NFAM1: variants seen among roughly 807,000 people sequenced by gnomAD.
NFAM1 encodes the protein NFAT activating protein with ITAM motif 1, also known as NFAT activation molecule 1.
NFAM1 carries 17 observed loss-of-function variants against 29.0 expected under a neutral mutation model. The observed-to-expected ratio is 0.59, with a 90% CI of 0.40 to 0.88. The LOEUF is 0.88. Ranked by LOEUF, NFAM1 falls within the 40% of genes least tolerant of loss-of-function variation. The pLI is 0.00. For missense variants in NFAM1, 324 were observed against 344.6 expected, an observed-to-expected ratio of 0.94 and a Z score of 0.47; for synonymous variants, 175 against 147.2, an observed-to-expected ratio of 1.19 and a Z score of -1.36.
At chr22:42,424,636 G>C (rs576583025) in intron 1 of NFAM1, among the ~76,000 whole-genome samples, 17 of 152,138 alleles carry the variant, frequency 1.1e-4, no homozygotes, top group Non-Finnish European at 1.9e-4. Flanking sequence ...TGGGGGAGGG[G>C]TGTGGAGAGA....
upstream of NFAM1, among the ~76,000 whole-genome samples, chr22:42,434,729 G>C (rs1441591796): frequency 6.6e-6 from 1 of 152,268 alleles, no homozygotes; most frequent in African/African-American, 2.4e-5. Flanking sequence ...GGCCCCAAAG[G>C]CTGAAGGCGG....
At chr22:42,424,500 C>G (rs990924993) in intron 1 of NFAM1, among the ~76,000 whole-genome samples, 2 of 152,190 alleles carry the variant, frequency 1.3e-5, no homozygotes, top group African/African-American at 4.8e-5. Flanking sequence ...TCTCAAGAAG[C>G]AAGCCGAACT....
intron 3 of NFAM1, among the ~76,000 whole-genome samples, chr22:42,407,271 G>A (rs921039783): frequency 6.6e-6 from 1 of 150,824 alleles, no homozygotes; most frequent in Non-Finnish European, 1.5e-5. Flanking sequence ...TAGTAGAGAT[G>A]GGGTTTTGCT....
intron 4 of NFAM1, among the ~76,000 whole-genome samples, chr22:42,397,456 T>C (rs2147097284): frequency 6.6e-6 from 1 of 152,356 alleles, no homozygotes; most frequent in East Asian, 1.9e-4. Flanking sequence ...GGATGGCGCC[T>C]GACCTCTTCC....
At chr22:42,407,989 G>A (rs966727250) in intron 3 of NFAM1, among the ~76,000 whole-genome samples, 1 of 137,706 alleles carries the variant, frequency 7.3e-6, no homozygotes, top group Non-Finnish European at 1.5e-5. Context: ...TACAACCTCC[G>A]CCTCGCAGGT....
At chr22:42,386,067 C>A (rs1929128412) in intron 5 of NFAM1, among the ~76,000 whole-genome samples, 1 of 152,090 alleles carries the variant, frequency 6.6e-6, no homozygotes, top group Non-Finnish European at 1.5e-5. Context: ...TACAGATGAG[C>A]AAACAGGTTT....
chr22:42,409,298 AG>A lies in NFAM1; in HGVS notation c.564+136del, dbSNP rs111505280. On this transcript the variant is annotated intron_variant, in intron 3 of 5. Coordinates refer to ENST00000329021, the MANE Select transcript of NFAM1 (RefSeq NM_145912.8). This position sits in a 1 kb window ranked among gnomAD's most constrained non-coding sequence, Gnocchi z 4.9. ...GAGGGATGCCCCCAGCCCTGGTGCAAGGGGCCACGAGGGCCACCTGTTACAG... is the reference window on the plus strand; with the variant it reads ...GAGGGATGCCCCCAGCCCTGGTGCAAGGGCCACGAGGGCCACCTGTTACAG... 5,460 of 468,654 alleles carry A rather than the reference AG, an allele frequency of 0.012. 265 individuals are homozygous for A. Among genetic ancestry groups the A allele is most frequent in the African/African-American group, 0.1 (5,068 of 50,166 alleles). The allele number at this position is 468,654 out of a possible 1,614,324, so 29.0% of individuals were successfully genotyped here. A position where few individuals can be genotyped will look rare whatever the true frequency, so the allele number is the denominator to read the frequency against.
intron 1 of NFAM1, among the ~76,000 whole-genome samples, chr22:42,426,960 G>A (rs944578334): frequency 2.0e-5 from 3 of 152,156 alleles, no homozygotes; most frequent in Non-Finnish European, 4.4e-5. Context: ...TGCTGTCTGG[G>A]AGGATGCTGA....
chr22:42,426,154 C>T (rs932822072), intron 1 of NFAM1, among the ~76,000 whole-genome samples: 1 of 152,130 alleles, frequency 6.6e-6, no homozygotes, highest in African/African-American at 2.4e-5. Context: ...TGGGAGTGGC[C>T]ATAAGGAGCA....
chr22:42,410,556 GGCTGAGGCAT>G (rs1483137062), intron 2 of NFAM1: 1 of 280,054 alleles, frequency 3.6e-6, no homozygotes, highest in Non-Finnish European at 7.4e-6. Flanking sequence ...GTACTTGGGA[GGCTGAGGCAT>G]GAGAATCGCT....
chr22:42,397,845 C>T lies in NFAM1; in HGVS notation c.663+13G>A. 6.4e-7 allele frequency: 1 copy of T among 1,557,524 alleles called. No individual in the cohort carries two copies. Among genetic ancestry groups the T allele is most frequent in the Non-Finnish European group, 8.9e-7 (1 of 1,128,614 alleles). ...TGAAAGAGGTGGAGGGAGCCGGGGG[C>T]CCCGGGACTCACTGTGTAGACAGAT... On this transcript the variant is annotated intron_variant, in intron 4 of 5. Coordinates refer to ENST00000329021, the MANE Select transcript of NFAM1 (RefSeq NM_145912.8).
intron 4 of NFAM1, among the ~76,000 whole-genome samples, chr22:42,394,549 T>C (rs1929454821): frequency 6.6e-6 from 1 of 152,134 alleles, no homozygotes. Context: ...AATGGAAATT[T>C]TAAACTGAAA....
intron 1 of NFAM1, among the ~76,000 whole-genome samples, chr22:42,412,567 A>G (rs1930131263): frequency 6.6e-6 from 1 of 152,074 alleles, no homozygotes; most frequent in Non-Finnish European, 1.5e-5. Flanking sequence ...GGATCAAAGC[A>G]CAGGCCTGAG....
At position 42,383,858 on chromosome 22, in the gene NFAM1, G is replaced by C. The variant is rs1449155622; in HGVS notation, c.*1303C>G. ...AAGGTGGGAGAACTCAGGGAGACATGGGGGAGCAGAGGGAGGAAGCAGAGC... is the reference window on the plus strand; with the variant it reads ...AAGGTGGGAGAACTCAGGGAGACATCGGGGAGCAGAGGGAGGAAGCAGAGC... On this transcript the variant is annotated 3_prime_UTR_variant, in exon 6 of 6. Coordinates refer to ENST00000329021, the MANE Select transcript of NFAM1 (RefSeq NM_145912.8). 1.3e-5 allele frequency: 2 copies of C among 152,840 alleles called. No homozygotes were observed. The highest frequency in any genetic ancestry group is 1.9e-4 in the East Asian group (1 of 5,188). 9.5% of individuals were successfully genotyped at this position (152,840 alleles called of 1,614,324 possible). A position where few individuals can be genotyped will look rare whatever the true frequency, so the allele number is the denominator to read the frequency against.
chr22:42,398,525 G>A (rs566827772), intron 3 of NFAM1, among the ~76,000 whole-genome samples: 5 of 151,872 alleles, frequency 3.3e-5, no homozygotes, highest in East Asian at 1.9e-4. Context: ...CGATTCTCCC[G>A]CCTCAGCCTC....
At position 42,399,541 on chromosome 22, in the gene NFAM1, G is replaced by A. The variant is rs1024503965; in HGVS notation, c.565-1585C>T. 4.6e-5 allele frequency among the ~76,000 whole-genome samples: 7 copies of A among 152,186 alleles called. No homozygotes were observed. The East Asian group carries it at 5.8e-4, about 13-fold the overall frequency. On this transcript the variant is annotated intron_variant, in intron 3 of 5. Coordinates refer to ENST00000329021, the MANE Select transcript of NFAM1 (RefSeq NM_145912.8). The stretch of plus-strand genomic sequence containing the variant: ...AGGAGCCTGCCTGGGAGGGGCAGGC[G>A]TGGCGTGGCCGTGCTGGCTGCATGA...
intron 3 of NFAM1, among the ~76,000 whole-genome samples, chr22:42,408,872 T>A (rs1352551337): frequency 6.6e-6 from 1 of 152,200 alleles, no homozygotes; most frequent in Non-Finnish European, 1.5e-5. Context: ...GTACACTTAC[T>A]ATGCGACCCT....
chr22:42,388,309 A>G lies in NFAM1; in HGVS notation c.664-1231T>C, dbSNP rs1023113727. On this transcript the variant is annotated intron_variant, in intron 4 of 5. Coordinates refer to ENST00000329021, the MANE Select transcript of NFAM1 (RefSeq NM_145912.8). This position sits in a 1 kb window ranked among gnomAD's most constrained non-coding sequence, Gnocchi z 4.1. ...ATCTATTTTGCAGGTTCAATGCATG[A>G]TTAAATGAGATACTGTGCACAAAGG... is the stretch of plus-strand genomic sequence containing the variant. Among the ~76,000 whole-genome samples, 4 of 152,238 alleles carry G rather than the reference A, an allele frequency of 2.6e-5. No homozygotes were observed. The highest frequency in any genetic ancestry group is 9.6e-5 in the African/African-American group (4 of 41,454).
intron 2 of NFAM1, chr22:42,410,294 G>A (rs1601750032): frequency 7.5e-6 from 2 of 266,102 alleles, no homozygotes; most frequent in Admixed American, 1.0e-4. Flanking sequence ...GGATCGCAGA[G>A]GTAGGTCAGA....
Sources: gnomAD v4.1 joint callset for allele counts (sites outside exome capture counted in the v4.1 genomes callset) on GRCh38, gnomAD v4.1.1 for gene constraint, Gnocchi (gnomAD v3.1) non-coding constraint, MANE v1.5 for transcripts, NCBI Gene and HGNC (gene_info 2026-07-23, HGNC 2026-07-21) for gene names.